The following MYO3A variants were observed in gnomAD, a reference collection of about 807,000 sequenced individuals.
MYO3A encodes the protein myosin IIIA.
MYO3A carries 180 observed loss-of-function variants against 192.7 expected under a neutral mutation model. That is an observed-to-expected ratio of 0.93 (90% CI 0.83 to 1.06). The LOEUF is 1.06. Ranked by LOEUF, MYO3A falls within the 50% of genes least tolerant of loss-of-function variation. The probability of loss-of-function intolerance (pLI) is 0.00; values close to 1 mark genes in which losing one functional copy is unlikely to be tolerated. For synonymous variants in MYO3A, 628 were observed against 645.3 expected, an observed-to-expected ratio of 0.97 and a Z score of 0.41; for missense variants, 1,896 against 1,905.0, an observed-to-expected ratio of 1.00 and a Z score of 0.09.
chr10:26,137,054 A>T (rs887935089), intron 20 of MYO3A, among the ~76,000 whole-genome samples: 1 of 152,062 alleles, frequency 6.6e-6, no homozygotes, highest in Non-Finnish European at 1.5e-5. Flanking sequence ...CAGTAAGTAC[A>T]GGTTGATTGG....
intron 17 of MYO3A, among the ~76,000 whole-genome samples, chr10:26,101,108 A>G (rs957136200): frequency 6.6e-6 from 1 of 152,224 alleles, no homozygotes; most frequent in African/African-American, 2.4e-5. Flanking sequence ...TATTTAGGAT[A>G]GTTAGCTCTT....
Position 26,021,772 on chromosome 10 carries a change from C to T in MYO3A, c.731+124C>T. 3 of 1,307,752 alleles carry T rather than the reference C, an allele frequency of 2.3e-6. 1 individual carries two copies. The highest frequency in any genetic ancestry group is 4.4e-4 in the Middle Eastern group (2 of 4,520). The allele number at this position is 1,307,752 out of a possible 1,614,324, so 81.0% of individuals were successfully genotyped here. A position where few individuals can be genotyped will look rare whatever the true frequency, so the allele number is the denominator to read the frequency against. ...TCCAACAAGTTGGGAGCAGAAGATC[C>T]TGGAATATTATTCTGCTTCTTCTGA... On this transcript the variant is annotated intron_variant, in intron 8 of 34. Coordinates refer to ENST00000642920, the MANE Select transcript of MYO3A (RefSeq NM_017433.5).
chr10:26,015,174 A>G (rs1168231941), intron 6 of MYO3A, among the ~76,000 whole-genome samples: 1 of 151,718 alleles, frequency 6.6e-6, no homozygotes, highest in Non-Finnish European at 1.5e-5. Context: ...TTAATAGATT[A>G]TTGCTCTTTC....
At chr10:26,020,824 T>C (rs1842262166) in intron 7 of MYO3A, among the ~76,000 whole-genome samples, 1 of 152,222 alleles carries the variant, frequency 6.6e-6, no homozygotes, top group South Asian at 2.1e-4. Flanking sequence ...AACAAATTCC[T>C]CTTTTTTCCT....
intron 32 of MYO3A, among the ~76,000 whole-genome samples, chr10:26,197,013 C>G (rs1302254810): frequency 6.6e-6 from 1 of 152,108 alleles, no homozygotes; most frequent in Non-Finnish European, 1.5e-5. Context: ...TAGCACTATT[C>G]AAAATGTTTG....
rs542098020 is a variant in MYO3A, at chr10:26,130,357, T to C, written c.2262+1819T>C. 5.9e-5 allele frequency among the ~76,000 whole-genome samples: 9 copies of C among 152,284 alleles called. No individual in the cohort carries two copies. The East Asian group carries it at 1.7e-3, about 29-fold the overall frequency. ...CTGGGCTCAGGCTCAGCAATCTGCC[T>C]GTCTCGGCCTCCCAAAGTTCTGTGA... is the stretch of plus-strand genomic sequence containing the variant. On this transcript the variant is annotated intron_variant, in intron 20 of 34. Coordinates refer to ENST00000642920, the MANE Select transcript of MYO3A (RefSeq NM_017433.5).
intron 10 of MYO3A, among the ~76,000 whole-genome samples, chr10:26,033,722 T>C (rs1433086207): frequency 2.0e-5 from 3 of 152,176 alleles, no homozygotes; most frequent in Admixed American, 6.5e-5. Context: ...ATAACCATTA[T>C]ACAAAGTTTC....
At chr10:25,939,937 G>A (rs1041709945) in intron 2 of MYO3A, among the ~76,000 whole-genome samples, 1 of 151,974 alleles carries the variant, frequency 6.6e-6, no homozygotes. Flanking sequence ...GATGAATTAA[G>A]TTTTTGATTA....
At chr10:26,139,127 T>C (rs1047521138) in intron 20 of MYO3A, among the ~76,000 whole-genome samples, 13 of 152,244 alleles carry the variant, frequency 8.5e-5, no homozygotes, top group African/African-American at 3.1e-4. Flanking sequence ...TAGTATGTGC[T>C]AAGCATGTAT....
At chr10:25,952,493 G>T (rs1837272402) in intron 3 of MYO3A, among the ~76,000 whole-genome samples, 1 of 152,088 alleles carries the variant, frequency 6.6e-6, no homozygotes, top group Non-Finnish European at 1.5e-5. Context: ...ATGAATAAAT[G>T]CATAAGCACG....
chr10:26,010,450 GT>G (rs778349166), intron 6 of MYO3A, among the ~76,000 whole-genome samples: 3,358 of 111,364 alleles, frequency 0.03, 56 homozygotes, highest in East Asian at 0.2. Flanking sequence ...CTAAGTAGTT[GT>G]TTTTTTTTTT....
At chr10:26,139,262 GT>G (rs1840020116) in intron 20 of MYO3A, among the ~76,000 whole-genome samples, 1 of 152,028 alleles carries the variant, frequency 6.6e-6, no homozygotes, top group Non-Finnish European at 1.5e-5. Flanking sequence ...TTGAGATGGA[GT>G]TTCATTCTTG....
At chr10:26,185,643 T>A (rs1278043380) in intron 31 of MYO3A, among the ~76,000 whole-genome samples, 1 of 152,046 alleles carries the variant, frequency 6.6e-6, no homozygotes, top group Non-Finnish European at 1.5e-5. Flanking sequence ...CACAGCCCAT[T>A]CCAGGATTAT....
intron 28 of MYO3A, among the ~76,000 whole-genome samples, 180 bp downstream of exon 28, chr10:26,169,054 A>T (rs183192756): frequency 4.5e-4 from 68 of 152,298 alleles, no homozygotes; most frequent in African/African-American, 1.6e-3. Flanking sequence ...TAATATTTGG[A>T]TAAACGTTTT....
chr10:26,122,881 T>A (rs1276894841), intron 18 of MYO3A, among the ~76,000 whole-genome samples: 1 of 152,192 alleles, frequency 6.6e-6, no homozygotes, highest in Non-Finnish European at 1.5e-5. Context: ...ACAATAAATG[T>A]ATGTCAAATA....
At chr10:26,033,330 C>T (rs11014920) in intron 10 of MYO3A, among the ~76,000 whole-genome samples, 2,224 of 152,262 alleles carry the variant, frequency 0.015, 48 homozygotes, top group African/African-American at 0.051. Flanking sequence ...CCACCCGCTT[C>T]GGCCTCCCAA....
At chr10:25,946,877 CAAAAAAA>C (rs34045169) in intron 2 of MYO3A, among the ~76,000 whole-genome samples, 1 of 50,136 alleles carries the variant, frequency 2.0e-5, no homozygotes, top group Non-Finnish European at 3.1e-5. Context: ...GACTCCGTCT[CAAAAAAA>C]AAAAAAAAAA....
At chr10:26,098,049 C>T (rs1837165745) in intron 17 of MYO3A, among the ~76,000 whole-genome samples, 1 of 152,140 alleles carries the variant, frequency 6.6e-6, no homozygotes, top group Non-Finnish European at 1.5e-5. Context: ...TAAAAGTGTT[C>T]CTATTTCTCC....
intron 17 of MYO3A, among the ~76,000 whole-genome samples, chr10:26,106,722 A>G (rs192250140): frequency 1.3e-5 from 2 of 152,204 alleles, no homozygotes; most frequent in East Asian, 3.9e-4. Context: ...TTTAGCTGCT[A>G]TTGATATAAT....
Sources: gnomAD v4.1 joint callset for allele counts (sites outside exome capture counted in the v4.1 genomes callset) on GRCh38, gnomAD v4.1.1 for gene constraint, MANE v1.5 for transcripts, NCBI Gene and HGNC (gene_info 2026-07-23, HGNC 2026-07-21) for gene names.